The following DCBLD1 variants were observed in gnomAD, a reference collection of about 807,000 sequenced individuals.
DCBLD1 encodes the protein discoidin, CUB and LCCL domain-containing protein 1.
In DCBLD1, 57 loss-of-function variants were observed where a neutral mutation model predicts 71.5. That is an observed-to-expected ratio of 0.80 (90% confidence interval 0.64 to 0.99). The LOEUF is 0.99. Among genes scored for constraint, DCBLD1 ranks in the 50% least tolerant of loss-of-function variants. DCBLD1 has a pLI of 0.00. For missense variants in DCBLD1, 891 were observed against 923.5 expected (o/e 0.96, Z 0.46); for synonymous variants, 380 against 363.8 (o/e 1.04, Z -0.51).
chr6:117,559,174 T>G (rs922851418), intron 14 of DCBLD1, among the ~76,000 whole-genome samples: 1 of 152,192 alleles, frequency 6.6e-6, no homozygotes, highest in Non-Finnish European at 1.5e-5. Context: ...TGGTCACTTG[T>G]GTTAATCTAG....
intron 1 of DCBLD1, among the ~76,000 whole-genome samples, chr6:117,489,882 C>CT (rs1056319455): frequency 2.0e-5 from 3 of 151,942 alleles, no homozygotes; most frequent in Non-Finnish European, 4.4e-5. Flanking sequence ...GAGACTCCGT[C>CT]TCAAAAAAAA....
downstream of DCBLD1, among the ~76,000 whole-genome samples, chr6:117,553,075 A>C (rs1779452290): frequency 6.6e-6 from 1 of 152,198 alleles, no homozygotes; most frequent in South Asian, 2.1e-4. Flanking sequence ...CAGCAGGGGA[A>C]CATTGCAGAA....
chr6:117,519,300 A>G (rs1194042215), intron 2 of DCBLD1, among the ~76,000 whole-genome samples: 1 of 152,216 alleles, frequency 6.6e-6, no homozygotes, highest in African/African-American at 2.4e-5. Flanking sequence ...CATTTTATAA[A>G]TCAAAATGAA....
intron 1 of DCBLD1, among the ~76,000 whole-genome samples, chr6:117,483,414 G>A (rs990312288): frequency 1.3e-5 from 2 of 152,292 alleles, no homozygotes; most frequent in Non-Finnish European, 1.5e-5. Flanking sequence ...CGGAATGGCC[G>A]GGGCACGTTT....
At chr6:117,486,147 A>G (rs1041086262) in intron 1 of DCBLD1, among the ~76,000 whole-genome samples, 1 of 152,226 alleles carries the variant, frequency 6.6e-6, no homozygotes, top group Non-Finnish European at 1.5e-5. Context: ...AAATCATTTT[A>G]AAAAACCACA....
intron 7 of DCBLD1, among the ~76,000 whole-genome samples, chr6:117,537,684 TTTTTTTA>T (rs1259362165): frequency 1.5e-5 from 2 of 137,290 alleles, no homozygotes; most frequent in African/African-American, 5.7e-5. Context: ...TTTTTTTTTT[TTTTTTTA>T]AGGAGGCAGA....
chr6:117,518,303 C>T (rs976495684), intron 2 of DCBLD1, among the ~76,000 whole-genome samples: 10 of 152,236 alleles, frequency 6.6e-5, no homozygotes, highest in African/African-American at 2.4e-4. Flanking sequence ...CTGAGACCAC[C>T]TCAGCGTGGA....
At chr6:117,528,285 A>G (rs534960124) in intron 5 of DCBLD1, among the ~76,000 whole-genome samples, 105 of 152,336 alleles carry the variant, frequency 6.9e-4, no homozygotes, top group African/African-American at 2.5e-3. Flanking sequence ...TTGACATGGT[A>G]ATTAGGAGGA....
chr6:117,538,568 TGCTG>T lies in DCBLD1; in HGVS notation c.761-51_761-48del. 46 of 1,546,096 alleles carry T rather than the reference TGCTG, an allele frequency of 3.0e-5. No individual in the cohort carries two copies. In the Admixed American group the frequency reaches 3.4e-4, roughly 11 times the overall value. ...TGAGATGTGGTACTACTTTTTTTTT[TGCTG>T]TTATTTTATGTCTGTATCTAAAATA... On this transcript the variant is annotated intron_variant, in intron 7 of 14. Coordinates refer to ENST00000338728, the MANE Select transcript of DCBLD1 (RefSeq NM_001366458.2).
chr6:117,548,147 G>A lies in DCBLD1; in HGVS notation c.1856G>A (p.Ser619Asn). The stretch of plus-strand genomic sequence containing the variant: ...CGCGCCCACACGTTCTCTGCGCAGA[G>A]CGGCTACCGCGTCCCAGGGCCCCAG... ...VLRAHTFSAQ[S>N]GYRVPGPQPG... The change falls in exon 15 of 15, where the codon AGC becomes AAC. Residue 619 changes from serine to asparagine, a missense_variant. Coordinates refer to ENST00000338728, the MANE Select transcript of DCBLD1 (RefSeq NM_001366458.2). 6.5e-7 allele frequency: 1 copy of A among 1,550,114 alleles called. No homozygotes were observed. Among genetic ancestry groups the A allele is most frequent in the Non-Finnish European group, 8.7e-7 (1 of 1,146,772 alleles).
At chr6:117,536,007 G>A (rs1400327613) in intron 6 of DCBLD1, among the ~76,000 whole-genome samples, 1 of 152,014 alleles carries the variant, frequency 6.6e-6, no homozygotes, top group Non-Finnish European at 1.5e-5. Context: ...GGAATACCAG[G>A]GTTTATGGAG....
chr6:117,493,966 ATG>A (rs916816048), intron 1 of DCBLD1, among the ~76,000 whole-genome samples: 5 of 152,132 alleles, frequency 3.3e-5, no homozygotes, highest in African/African-American at 1.2e-4. Context: ...CTGTATATAT[ATG>A]TGTGTGTGTA....
At chr6:117,523,957 G>GT (rs1414417826) in intron 4 of DCBLD1, among the ~76,000 whole-genome samples, 2 of 152,088 alleles carry the variant, frequency 1.3e-5, no homozygotes, top group Non-Finnish European at 2.9e-5. Flanking sequence ...CTTTTTGTGT[G>GT]TTTTTTATAG....
rs746642052 is a variant in DCBLD1, at chr6:117,540,977, G to A, written c.1309G>A (p.Glu437Lys). 5.0e-6 allele frequency: 8 copies of A among 1,614,020 alleles called. No homozygotes were observed. Among genetic ancestry groups the A allele is most frequent in the Non-Finnish European group, 6.8e-6 (8 of 1,180,038 alleles). ...AAGCACCAGTGTTTCAACTAAGAAA[G>A]AAGATGAGACAATCACAAGGCCCAT... ...SQSTSVSTKK[E>K]DETITRPIPS... is the part of the protein sequence containing the mutation. The change falls in exon 11 of 15, where the codon GAA (glutamate) becomes AAA (lysine). Residue 437 changes from glutamate (E) to lysine (K), a missense_variant. Transcript: ENST00000338728.
chr6:117,560,335 T>G (rs1340863203), intron 14 of DCBLD1: 1 of 179,398 alleles, frequency 5.6e-6, no homozygotes, highest in East Asian at 9.2e-5. Context: ...ATGTAGAAGA[T>G]GCCATCTTTA....
At chr6:117,526,920 G>A (rs772223430) in intron 5 of DCBLD1, among the ~76,000 whole-genome samples, 2 of 152,220 alleles carry the variant, frequency 1.3e-5, no homozygotes, top group Non-Finnish European at 2.9e-5. Context: ...GTCTTATAAA[G>A]GTGCAACAAA....
At chr6:117,553,009 G>A (rs551764248), downstream of DCBLD1, among the ~76,000 whole-genome samples, 4 of 152,202 alleles carry the variant, frequency 2.6e-5, no homozygotes, top group South Asian at 8.3e-4. Context: ...CCCGAACCAT[G>A]AGACCCCAAC....
At chr6:117,532,487 G>A (rs1778758258) in intron 6 of DCBLD1, 94 bp downstream of exon 6, 1 of 1,423,124 alleles carries the variant, frequency 7.0e-7, no homozygotes, top group Non-Finnish European at 9.3e-7. Flanking sequence ...CAGCAGGGAT[G>A]TGATAGCAAG....
At chr6:117,536,634 G>A (rs991219596) in intron 6 of DCBLD1, among the ~76,000 whole-genome samples, 1 of 152,206 alleles carries the variant, frequency 6.6e-6, no homozygotes, top group African/African-American at 2.4e-5. Flanking sequence ...GTAGGTAGGA[G>A]TGTGGCCGTG....
Sources: allele counts gnomAD v4.1 joint callset (sites outside exome capture counted in the v4.1 genomes callset), GRCh38; gene constraint gnomAD v4.1.1; transcripts MANE v1.5; gene names NCBI Gene and HGNC (gene_info 2026-07-23, HGNC 2026-07-21).